DHX9: variants seen among roughly 807,000 people sequenced by gnomAD.
The protein encoded by DHX9 is ATP-dependent RNA helicase A.
In DHX9, 27 loss-of-function variants were observed where a neutral mutation model predicts 148.7. The ratio of observed to expected loss-of-function variants is 0.18; its 90% CI spans 0.13 to 0.25. The LOEUF (loss-of-function observed/expected upper bound fraction) is 0.25. Ranked by LOEUF, DHX9 falls within the 10% of genes least tolerant of loss-of-function variation. The pLI is 1.00. For missense variants in DHX9, 796 were observed against 1,559.6 expected (o/e 0.51, Z 8.25); for synonymous variants, 529 against 516.6 (o/e 1.02, Z -0.33).
intron 12 of DHX9, 164 bp downstream of exon 12, chr1:182,860,348 C>CT (rs1440501395): frequency 1.1e-5 from 6 of 563,858 alleles, no homozygotes; most frequent in Non-Finnish European, 1.5e-5. Context: ...TTTCTAATCT[C>CT]TAGTATGCTA....
At chr1:182,861,650 T>C (rs1273572119) in intron 12 of DHX9, among the ~76,000 whole-genome samples, 4 of 152,154 alleles carry the variant, frequency 2.6e-5, no homozygotes, top group Non-Finnish European at 1.5e-5. Flanking sequence ...ATAAATAGAG[T>C]AAAAATTCCT....
chr1:182,871,395 T>C (rs1355307397), intron 14 of DHX9, among the ~76,000 whole-genome samples: 3 of 152,238 alleles, frequency 2.0e-5, no homozygotes, highest in Non-Finnish European at 4.4e-5. Flanking sequence ...AGTATGTGGA[T>C]CAGCAGGATC....
intron 22 of DHX9, 61 bp from the exon 23 acceptor site, chr1:182,881,203 C>T (rs1236486703): frequency 1.3e-6 from 2 of 1,548,268 alleles, no homozygotes; most frequent in African/African-American, 1.4e-5. Flanking sequence ...ACAGTCCTAC[C>T]TGAGCTGCTG....
chr1:182,883,657 C>T, intron 26 of DHX9, 22 bp downstream of exon 26: 1 of 1,515,208 alleles, frequency 6.6e-7, no homozygotes, highest in Non-Finnish European at 9.2e-7. Flanking sequence ...CAGATGTGAA[C>T]TCCAAACTGA....
Position 182,876,272 on chromosome 1 carries a change from CT to C in DHX9, c.2029+12del. ...AATGAATCCACATTTTGGTATGAGT[CT>C]TTGAATTCTCACATATTTGAGAGTG... On this transcript the variant is annotated intron_variant, in intron 17 of 27. Transcript: ENST00000367549. 1 of 1,611,816 alleles carries C rather than the reference CT, an allele frequency of 6.2e-7. No individual in the cohort carries two copies. Among genetic ancestry groups the C allele is most frequent in the Non-Finnish European group, 8.5e-7 (1 of 1,178,594 alleles).
At chr1:182,844,122 G>A (rs1667982649) in intron 3 of DHX9, among the ~76,000 whole-genome samples, 1 of 151,972 alleles carries the variant, frequency 6.6e-6, no homozygotes, top group African/African-American at 2.4e-5. Context: ...TATTTTTTAT[G>A]TTTTTAGTAG....
chr1:182,865,389 T>G (rs1648252039), intron 12 of DHX9, among the ~76,000 whole-genome samples: 1 of 152,216 alleles, frequency 6.6e-6, no homozygotes. Context: ...TGTTGATATT[T>G]AAACAGCTGA....
chr1:182,863,741 A>C (rs1046489572), intron 12 of DHX9, among the ~76,000 whole-genome samples: 3 of 152,330 alleles, frequency 2.0e-5, no homozygotes, highest in Admixed American at 6.5e-5. Flanking sequence ...TTCCCACACA[A>C]AATGCCTGTC....
intron 2 of DHX9, 85 bp downstream of exon 2, chr1:182,842,762 T>G: frequency 9.5e-7 from 1 of 1,051,394 alleles, no homozygotes; most frequent in Non-Finnish European, 1.4e-6. Context: ...TTGGAGATGT[T>G]AATGTGTTGC....
chr1:182,851,354 C>T (rs927390165), intron 3 of DHX9, among the ~76,000 whole-genome samples: 1 of 152,104 alleles, frequency 6.6e-6, no homozygotes, highest in Non-Finnish European at 1.5e-5. Context: ...AAATTATGAT[C>T]ATAGACTATT....
At chr1:182,851,268 G>A (rs951763203) in intron 3 of DHX9, among the ~76,000 whole-genome samples, 3 of 152,160 alleles carry the variant, frequency 2.0e-5, no homozygotes, top group African/African-American at 7.2e-5. Flanking sequence ...AAGTGGTAAT[G>A]TGAAAAAGTA....
intron 3 of DHX9, among the ~76,000 whole-genome samples, chr1:182,845,020 A>T (rs182349049): frequency 1.6e-3 from 246 of 152,304 alleles, no homozygotes; most frequent in Admixed American, 4.1e-3. Context: ...TGCCTTGTTT[A>T]TGACAGTATT....
chr1:182,841,290 CAA>C (rs111535009), intron 1 of DHX9, among the ~76,000 whole-genome samples: 2 of 139,244 alleles, frequency 1.4e-5, no homozygotes, highest in Non-Finnish European at 3.2e-5. Flanking sequence ...GACTCCGTCT[CAA>C]AAAAAAAAAG....
chr1:182,852,335 C>G lies in DHX9; in HGVS notation c.355C>G (p.Leu119Val). 6.2e-7 allele frequency: 1 copy of G among 1,610,018 alleles called. No individual in the cohort carries two copies. Among genetic ancestry groups the G allele is most frequent in the Non-Finnish European group, 8.5e-7 (1 of 1,178,038 alleles). ...MGGPLPPHLA[L>V]KAENNSEVGA... ...AGGACCTCTTCCTCCACATCTGGCT[C>G]TCAAAGCAGGTAAGGGACTTGAATC... The change falls in exon 4 of 28, where the codon CTC becomes GTC. Residue 119 changes from leucine (L) to valine (V), a missense_variant. This residue lies in a region of DHX9 where 89 missense variants were observed against 77.5 expected (regional missense o/e 1.15). Transcript: ENST00000367549.
chr1:182,866,905 C>T lies in DHX9; in HGVS notation c.1475-56C>T, dbSNP rs544117841. 2,324 of 1,321,380 alleles carry T rather than the reference C, an allele frequency of 1.8e-3. 54 individuals carry two copies. The South Asian group carries it at 0.03, about 17-fold the overall frequency. 81.9% of individuals were successfully genotyped at this position (1,321,380 alleles called of 1,614,324 possible). A position where few individuals can be genotyped will look rare whatever the true frequency, so the allele number is the denominator to read the frequency against. Reference sequence around the variant, plus strand: ...CTTAGTTGAAATATAGATAATTGTCCATAGATTTACTACTTTGAACTTTTC... The same window carrying T: ...CTTAGTTGAAATATAGATAATTGTCTATAGATTTACTACTTTGAACTTTTC... On this transcript the variant is annotated intron_variant, in intron 13 of 27. Transcript: ENST00000367549.
intron 3 of DHX9, 45 bp from the exon 4 acceptor site, chr1:182,852,188 T>G (rs866668419): frequency 7.4e-7 from 1 of 1,347,044 alleles, no homozygotes; most frequent in Non-Finnish European, 1.0e-6. Context: ...CTAGTCCCCG[T>G]GAAGGCAAAA....
chr1:182,869,066 A>G (rs944622860), intron 14 of DHX9, among the ~76,000 whole-genome samples: 8 of 152,220 alleles, frequency 5.3e-5, no homozygotes, highest in Admixed American at 3.3e-4. Context: ...CACTGGAATA[A>G]TGTCATGGAT....
chr1:182,860,805 G>A (rs1380617840), intron 12 of DHX9, among the ~76,000 whole-genome samples: 1 of 152,172 alleles, frequency 6.6e-6, no homozygotes, highest in East Asian at 1.9e-4. Context: ...CTGCATGTTT[G>A]TCCCAGTACT....
At chr1:182,847,119 A>G (rs975442070) in intron 3 of DHX9, among the ~76,000 whole-genome samples, 4 of 152,130 alleles carry the variant, frequency 2.6e-5, no homozygotes, top group Admixed American at 1.3e-4. Context: ...TGTTTGTAAT[A>G]TAAATATGGA....
Sources: allele counts gnomAD v4.1 joint callset (sites outside exome capture counted in the v4.1 genomes callset), GRCh38; gene constraint gnomAD v4.1.1; regional missense constraint gnomAD v4.1.1; transcripts MANE v1.5; gene names NCBI Gene and HGNC (gene_info 2026-07-23, HGNC 2026-07-21).